Variants in ATXN1 observed in about 807,000 individuals in gnomAD.
The protein encoded by ATXN1 is ataxin 1.
Under a neutral mutation model 56.4 loss-of-function variants are expected in ATXN1, and 8 were observed. The observed-to-expected ratio is 0.14, with a 90% CI of 0.08 to 0.26. The LOEUF (loss-of-function observed/expected upper bound fraction) is 0.26, where lower values mean the gene tolerates loss of function less well. ATXN1 is among the 10% of genes least tolerant of loss of function. The probability of loss-of-function intolerance (pLI) is 1.00; values close to 1 mark genes in which losing one functional copy is unlikely to be tolerated. For synonymous variants in ATXN1, 514 were observed against 494.6 expected (o/e 1.04, Z -0.52); for missense variants, 987 against 1,106.5 (o/e 0.89, Z 1.53).
intron 6 of ATXN1, among the ~76,000 whole-genome samples, chr6:16,333,801 C>T (rs1581696264): frequency 6.6e-6 from 1 of 152,228 alleles, no homozygotes; most frequent in African/African-American, 2.4e-5. Flanking sequence ...CACCAATCTC[C>T]TTCCAGCTTT....
intron 4 of ATXN1, among the ~76,000 whole-genome samples, chr6:16,576,455 C>T (rs1762063973): frequency 6.6e-6 from 1 of 152,216 alleles, no homozygotes; most frequent in African/African-American, 2.4e-5. Flanking sequence ...TGCCTTATTA[C>T]AAGAACTGCA....
chr6:16,468,454 G>T (rs1760151937), intron 6 of ATXN1, among the ~76,000 whole-genome samples: 2 of 152,196 alleles, frequency 1.3e-5, no homozygotes, highest in Admixed American at 1.3e-4. Flanking sequence ...CTCCTAAAGT[G>T]CTGGGATTAC....
At chr6:16,347,223 C>A (rs146008775) in intron 6 of ATXN1, among the ~76,000 whole-genome samples, 2 of 152,350 alleles carry the variant, frequency 1.3e-5, no homozygotes, top group South Asian at 4.1e-4. Flanking sequence ...CTGAGGAGTG[C>A]GGGCGCACGG....
intron 4 of ATXN1, among the ~76,000 whole-genome samples, chr6:16,575,800 C>T (rs1762410449): frequency 6.6e-6 from 1 of 152,236 alleles, no homozygotes; most frequent in African/African-American, 2.4e-5. Flanking sequence ...ATAGTCAACT[C>T]TACCTGGAGA....
At chr6:16,387,696 G>A (rs1458131748) in intron 6 of ATXN1, among the ~76,000 whole-genome samples, 1 of 152,132 alleles carries the variant, frequency 6.6e-6, no homozygotes. Flanking sequence ...CAACTTTAAC[G>A]AAACACTCTC....
intron 6 of ATXN1, among the ~76,000 whole-genome samples, chr6:16,381,853 G>A (rs188570928): frequency 6.6e-6 from 1 of 152,230 alleles, no homozygotes; most frequent in East Asian, 1.9e-4. Flanking sequence ...AGTCCCCAGT[G>A]GTCAGTCATG....
chr6:16,372,090 A>C (rs1165654914), intron 6 of ATXN1, among the ~76,000 whole-genome samples: 1 of 152,242 alleles, frequency 6.6e-6, no homozygotes. Context: ...TAGAAAATCA[A>C]CAAATTAAGG....
intron 6 of ATXN1, among the ~76,000 whole-genome samples, chr6:16,365,747 T>C (rs1274104021): frequency 6.6e-6 from 1 of 152,246 alleles, no homozygotes; most frequent in Non-Finnish European, 1.5e-5. Flanking sequence ...AATGGGAATC[T>C]GCCTGGACCC....
chr6:16,504,534 C>G (rs1239277417), intron 5 of ATXN1, among the ~76,000 whole-genome samples: 8 of 152,148 alleles, frequency 5.3e-5, no homozygotes, highest in Non-Finnish European at 1.2e-4. Context: ...AAACTGGTAT[C>G]TATTTCATAT....
Position 16,682,203 on chromosome 6 carries a change from C to CTTTTTTTTTTTTTTTT in ATXN1, c.-614-24303_-614-24302insAAAAAAAAAAAAAAAA, listed in dbSNP as rs10528588. On this transcript the variant is annotated intron_variant, in intron 2 of 7. Transcript: ENST00000436367. The stretch of plus-strand genomic sequence containing the variant: ...ATTCAGTAGAGGCCACTGGGGAGAA[C>CTTTTTTTTTTTTTTTT]TTTTTTTTTTTGAGATGGAGTCTCA... 2.0e-4 allele frequency among the ~76,000 whole-genome samples: 23 copies of CTTTTTTTTTTTTTTTT among 116,990 alleles called. 1 individual carries two copies. Among genetic ancestry groups the CTTTTTTTTTTTTTTTT allele is most frequent in the African/African-American group, 2.6e-4 (8 of 30,386 alleles). The allele number at this position is 116,990 out of a possible 152,430, so 76.7% of individuals were successfully genotyped here. A position where few individuals can be genotyped will look rare whatever the true frequency, so the allele number is the denominator to read the frequency against.
chr6:16,428,108 T>C (rs1581755164), intron 6 of ATXN1, among the ~76,000 whole-genome samples: 1 of 145,074 alleles, frequency 6.9e-6, no homozygotes, highest in Non-Finnish European at 1.5e-5. Flanking sequence ...TTGTCTCTGG[T>C]AGACCAGGCC....
At position 16,662,481 on chromosome 6, in the gene ATXN1, C is replaced by T. The variant is rs188359207; in HGVS notation, c.-614-4580G>A. 4.9e-3 allele frequency among the ~76,000 whole-genome samples: 748 copies of T among 152,230 alleles called. 7 individuals are homozygous for T. Among genetic ancestry groups the T allele is most frequent in the Non-Finnish European group, 7.5e-3 (507 of 68,008 alleles). ...CCAAGTAGCTGGGATTACAGGCACA[C>T]GCCACCACGCCCAGCTAATTTTTTG... On this transcript the variant is annotated intron_variant, in intron 2 of 7. Transcript: ENST00000436367.
Position 16,736,843 on chromosome 6 carries a change from CAT to C in ATXN1, c.-615+16388_-615+16389del, listed in dbSNP as rs564128116. On this transcript the variant is annotated intron_variant, in intron 2 of 7. Coordinates refer to ENST00000436367, the MANE Select transcript of ATXN1 (RefSeq NM_001128164.2). ...TATTTGTAAGTGGAAAATCAAGAGA[CAT>C]AAAGATTTCAAAGTCAAAATGCAAT... 12 of 152,286 alleles carry C rather than the reference CAT, an allele frequency of 7.9e-5. No individual in the cohort carries two copies. The South Asian group carries it at 2.5e-3, about 32-fold the overall frequency. 9.4% of individuals were successfully genotyped at this position (152,286 alleles called of 1,614,324 possible). A position where few individuals can be genotyped will look rare whatever the true frequency, so the allele number is the denominator to read the frequency against.
intron 6 of ATXN1, among the ~76,000 whole-genome samples, chr6:16,450,991 C>T (rs752843826): frequency 2.3e-4 from 35 of 152,226 alleles, no homozygotes; most frequent in Non-Finnish European, 3.4e-4. Flanking sequence ...CAAGGGCCAA[C>T]GCTATGAAGA....
intron 6 of ATXN1, among the ~76,000 whole-genome samples, chr6:16,362,418 A>C (rs1561867392): frequency 6.6e-6 from 1 of 152,238 alleles, no homozygotes; most frequent in South Asian, 2.1e-4. Flanking sequence ...GCTTCTGAGC[A>C]CTGTCTTCTC....
intron 5 of ATXN1, among the ~76,000 whole-genome samples, chr6:16,496,365 G>T (rs1326925026): frequency 6.6e-6 from 1 of 152,210 alleles, no homozygotes; most frequent in African/African-American, 2.4e-5. Flanking sequence ...TTTGATGTGG[G>T]TTACGCAGGG....
At chr6:16,608,746 A>T (rs942251529) in intron 3 of ATXN1, among the ~76,000 whole-genome samples, 33 of 152,230 alleles carry the variant, frequency 2.2e-4, no homozygotes, top group African/African-American at 7.5e-4. Context: ...GGGGACCATT[A>T]CAGGGATACA....
chr6:16,437,438 G>A (rs558277318), intron 6 of ATXN1, among the ~76,000 whole-genome samples: 13 of 152,328 alleles, frequency 8.5e-5, no homozygotes, highest in African/African-American at 2.9e-4. Flanking sequence ...AGATCTCAGC[G>A]CTCTTCCCCT....
At chr6:16,485,353 C>G (rs1171267735) in intron 6 of ATXN1, 1 of 152,236 alleles carries the variant, frequency 6.6e-6, no homozygotes, top group South Asian at 2.1e-4. Context: ...TCATGCAAGG[C>G]GGCCATCAGG....
Sources: allele counts gnomAD v4.1 joint callset (sites outside exome capture counted in the v4.1 genomes callset), GRCh38; gene constraint gnomAD v4.1.1; transcripts MANE v1.5; gene names NCBI Gene and HGNC (gene_info 2026-07-23, HGNC 2026-07-21).